APOD: variants seen among roughly 807,000 people sequenced by gnomAD.
The protein encoded by APOD is apolipoprotein D, also known as apo-D.
In APOD, 22 loss-of-function variants were observed where a neutral mutation model predicts 20.4. The ratio of observed to expected loss-of-function variants is 1.08; its 90% CI spans 0.77 to 1.54. The LOEUF (loss-of-function observed/expected upper bound fraction) is 1.54, where lower values mean the gene tolerates loss of function less well. Among genes scored for constraint, APOD ranks in the 40% most tolerant of loss-of-function variants. The probability of loss-of-function intolerance (pLI) is 0.00; values close to 1 mark genes in which losing one functional copy is unlikely to be tolerated. For missense variants in APOD, 223 were observed against 229.6 expected, an observed-to-expected ratio of 0.97 and a Z score of 0.19; for synonymous variants, 97 against 92.4, an observed-to-expected ratio of 1.05 and a Z score of -0.29.
intron 4 of APOD, among the ~76,000 whole-genome samples, chr3:195,569,958 C>A (rs922573741): frequency 1.3e-5 from 2 of 151,968 alleles, no homozygotes; most frequent in South Asian, 2.1e-4. Flanking sequence ...CGCCACCATG[C>A]CCAGCTAATT....
chr3:195,573,797 C>G (rs1720204949), intron 3 of APOD, 53 bp downstream of exon 3: 1 of 1,593,582 alleles, frequency 6.3e-7, no homozygotes, highest in African/African-American at 1.3e-5. Context: ...GACACCCAGT[C>G]ACTCTGCATC....
intron 1 of APOD, among the ~76,000 whole-genome samples, chr3:195,580,977 C>G (rs1720329183): frequency 6.6e-6 from 1 of 152,236 alleles, no homozygotes; most frequent in Non-Finnish European, 1.5e-5. Context: ...CTATTTCCAG[C>G]TCTCTGCATT....
At chr3:195,570,933 G>T (rs1197335046) in intron 4 of APOD, 4 of 279,242 alleles carry the variant, frequency 1.4e-5, no homozygotes, top group African/African-American at 2.1e-5. Flanking sequence ...TCGGGCCCCA[G>T]TTTCCTTTGG....
At chr3:195,570,851 C>T (rs1720146875) in intron 4 of APOD, 1 of 169,132 alleles carries the variant, frequency 5.9e-6, no homozygotes, top group African/African-American at 2.4e-5. Flanking sequence ...TCAAACTTGC[C>T]GTCACTCTTG....
In APOD at chr3:195,577,182, G is replaced by A. The variant is rs373219961; in HGVS notation, c.123+2157C>T. On this transcript the variant is annotated intron_variant, in intron 2 of 4. Transcript: ENST00000343267. ...ACCCTGGGTGACAAAGTGAGACTCC[G>A]TCTCAAAAAAAAAAAGAAAAGAAAA... 5.1e-4 allele frequency: 160 copies of A among 313,368 alleles called. 2 individuals are homozygous for A. Among genetic ancestry groups the A allele is most frequent in the South Asian group, 2.0e-3 (94 of 46,006 alleles). 19.4% of individuals were successfully genotyped at this position (313,368 alleles called of 1,614,324 possible).
At chr3:195,571,756 A>G (rs915318899) in intron 3 of APOD, among the ~76,000 whole-genome samples, 1 of 151,974 alleles carries the variant, frequency 6.6e-6, no homozygotes, top group Admixed American at 6.5e-5. Context: ...AACAAACAAA[A>G]CAACCCAACA....
Position 195,568,787 on chromosome 3 carries a change from G to A in APOD, c.*113C>T. On this transcript the variant is annotated 3_prime_UTR_variant, in exon 5 of 5. Transcript: ENST00000343267. ...GTAACAGGGTAGGGCATGGTTACAT[G>A]TTCAGGTCAACTTCCTTTGTCGTGG... is the stretch of plus-strand genomic sequence containing the variant. 1 of 776,362 alleles carries A rather than the reference G, an allele frequency of 1.3e-6. No homozygotes were observed. The highest frequency in any genetic ancestry group is 2.2e-6 in the Non-Finnish European group (1 of 452,698). 48.1% of individuals were successfully genotyped at this position (776,362 alleles called of 1,614,324 possible).
chr3:195,569,407 T>C (rs1720120186), intron 4 of APOD, among the ~76,000 whole-genome samples: 1 of 151,954 alleles, frequency 6.6e-6, no homozygotes. Flanking sequence ...AGAGACAGCG[T>C]TATAGTCATC....
chr3:195,574,492 G>A (rs183065854), intron 2 of APOD, among the ~76,000 whole-genome samples: 24 of 152,286 alleles, frequency 1.6e-4, no homozygotes, highest in Admixed American at 5.2e-4. Context: ...TATACAGTTA[G>A]CTTTAAAGGA....
chr3:195,574,408 G>C (rs934793928), intron 2 of APOD, among the ~76,000 whole-genome samples: 1 of 152,178 alleles, frequency 6.6e-6, no homozygotes, highest in Non-Finnish European at 1.5e-5. Context: ...CAAGGCTTTG[G>C]AGAGGTGGTG....
chr3:195,580,540 G>A (rs1006011530), intron 1 of APOD, among the ~76,000 whole-genome samples: 4 of 151,992 alleles, frequency 2.6e-5, no homozygotes, highest in African/African-American at 9.7e-5. Context: ...GAGTAGCTGG[G>A]ATTACAGGTG....
At position 195,573,959 on chromosome 3, in the gene APOD, A is replaced by G; in HGVS notation, c.136T>C (p.Trp46Arg). 6.2e-7 allele frequency: 1 copy of G among 1,614,062 alleles called. No individual in the cohort carries two copies. Among genetic ancestry groups the G allele is most frequent in the Non-Finnish European group, 8.5e-7 (1 of 1,179,972 alleles). The change falls in exon 3 of 5, where the codon TGG (tryptophan) becomes CGG (arginine). Residue 46 changes from tryptophan (W) to arginine (R), a missense_variant. By Grantham distance (101) the Trp-to-Arg change is moderately radical. Coordinates refer to ENST00000343267, the MANE Select transcript of APOD (RefSeq NM_001647.4). ...NFDVNKYLGR[W>R]YEIEKIPTTF... ...GTTGGGATCTTCTCAATTTCGTACC[A>G]TCTTCCGAGATACTGCAGAGACAAC... is the stretch of plus-strand genomic sequence containing the variant.
At chr3:195,581,723 T>C (rs900461338) in intron 1 of APOD, among the ~76,000 whole-genome samples, 3 of 152,262 alleles carry the variant, frequency 2.0e-5, no homozygotes, top group Non-Finnish European at 2.9e-5. Flanking sequence ...CACATGACAC[T>C]GCAACAAAAG....
At chr3:195,578,348 T>C (rs1198143503) in intron 2 of APOD, among the ~76,000 whole-genome samples, 1 of 152,190 alleles carries the variant, frequency 6.6e-6, no homozygotes, top group Non-Finnish European at 1.5e-5. Context: ...CCATGGATGG[T>C]GCTCCTTCTC....
chr3:195,581,998 A>G (rs1720346950), intron 1 of APOD, among the ~76,000 whole-genome samples: 1 of 152,048 alleles, frequency 6.6e-6, no homozygotes, highest in African/African-American at 2.4e-5. Flanking sequence ...GAGAAACCCT[A>G]TCTCTACTAA....
intron 3 of APOD, among the ~76,000 whole-genome samples, chr3:195,573,508 C>T (rs1577603573): frequency 6.6e-6 from 1 of 152,234 alleles, no homozygotes; most frequent in Admixed American, 6.5e-5. Context: ...AGTGTTTGAA[C>T]AAAGCTGGAT....
chr3:195,576,622 C>T (rs2108969798), intron 2 of APOD, among the ~76,000 whole-genome samples: 1 of 152,108 alleles, frequency 6.6e-6, no homozygotes, highest in African/African-American at 2.4e-5. Flanking sequence ...CCAGCATAGC[C>T]AACATGGCGA....
chr3:195,578,876 T>C (rs1470046325), intron 2 of APOD, among the ~76,000 whole-genome samples: 2 of 152,182 alleles, frequency 1.3e-5, no homozygotes, highest in East Asian at 3.9e-4. Context: ...ACCTCTGAGT[T>C]CACCGCAGCC....
chr3:195,573,824 G>T lies in APOD; in HGVS notation c.245+26C>A, dbSNP rs201439362. Reference sequence around the variant, plus strand: ...CTCTGCATCAGCACTCCGCAGGCCTGGCCCCGGACGCCCACAGCCACTCAC... The same window carrying T: ...CTCTGCATCAGCACTCCGCAGGCCTTGCCCCGGACGCCCACAGCCACTCAC... On this transcript the variant is annotated intron_variant, in intron 3 of 4. Transcript: ENST00000343267. 51 of 1,611,968 alleles carry T rather than the reference G, an allele frequency of 3.2e-5. No individual in the cohort carries two copies. The Admixed American group carries it at 7.5e-4, about 24-fold the overall frequency.
Sources: gnomAD v4.1 joint callset for allele counts (sites outside exome capture counted in the v4.1 genomes callset) on GRCh38, gnomAD v4.1.1 for gene constraint, MANE v1.5 for transcripts, NCBI Gene and HGNC (gene_info 2026-07-23, HGNC 2026-07-21) for gene names.